Variants in SPIRE1 observed in about 807,000 individuals in gnomAD.
SPIRE1 encodes spire type actin nucleation factor 1.
SPIRE1 carries 40 observed loss-of-function variants against 94.1 expected under a neutral mutation model. That is an observed-to-expected ratio of 0.43 (90% CI 0.33 to 0.55). SPIRE1 has a LOEUF of 0.55. SPIRE1 is among the 20% of genes least tolerant of loss of function. The pLI is 0.06. For missense variants in SPIRE1, 838 were observed against 975.2 expected, an observed-to-expected ratio of 0.86 and a Z score of 1.87; for synonymous variants, 376 against 371.7, an observed-to-expected ratio of 1.01 and a Z score of -0.13.
At chr18:12,591,968 C>CAAAAAAAAAAAAAAAAAAAAAAAAAAAAA (rs35668057) in intron 2 of SPIRE1, among the ~76,000 whole-genome samples, 1 of 67,434 alleles carries the variant, frequency 1.5e-5, no homozygotes, top group African/African-American at 5.7e-5. Flanking sequence ...GACTCCATCT[C>CAAAAAAAAAAAAAAAAAAAAAAAAAAAAA]AAAAAAAAAA....
intron 2 of SPIRE1, among the ~76,000 whole-genome samples, chr18:12,561,679 G>T (rs1016321644): frequency 6.6e-6 from 1 of 152,120 alleles, no homozygotes; most frequent in Non-Finnish European, 1.5e-5. Context: ...GTGTTTGTAA[G>T]TTCATAATTT....
chr18:12,537,576 T>C (rs959178695), intron 3 of SPIRE1, among the ~76,000 whole-genome samples: 2 of 152,194 alleles, frequency 1.3e-5, no homozygotes, highest in Non-Finnish European at 2.9e-5. Context: ...TAGCTAGGTC[T>C]AAAAAATGTT....
At chr18:12,512,603 C>A in intron 4 of SPIRE1, 72 bp from the exon 5 acceptor site, 1 of 936,524 alleles carries the variant, frequency 1.1e-6, no homozygotes, top group Non-Finnish European at 1.7e-6. Context: ...CCTAACATAT[C>A]TTCAGATAAG....
chr18:12,546,639 G>A, intron 3 of SPIRE1, 35 bp downstream of exon 3: 2 of 1,487,058 alleles, frequency 1.3e-6, no homozygotes, highest in Non-Finnish European at 1.9e-6. Flanking sequence ...AACAACTCTT[G>A]AAAAAAACAA....
intron 2 of SPIRE1, among the ~76,000 whole-genome samples, chr18:12,599,973 A>T (rs2036785187): frequency 6.6e-6 from 1 of 152,060 alleles, no homozygotes; most frequent in Non-Finnish European, 1.5e-5. Flanking sequence ...GACAGCTTCC[A>T]TCTTGCTGGA....
intron 2 of SPIRE1, among the ~76,000 whole-genome samples, chr18:12,619,356 A>T (rs926402286): frequency 2.6e-5 from 4 of 151,720 alleles, no homozygotes; most frequent in Admixed American, 1.3e-4. Flanking sequence ...AAAATACAAA[A>T]AATTAGCCAG....
intron 4 of SPIRE1, among the ~76,000 whole-genome samples, chr18:12,530,927 G>A (rs1335095115): frequency 2.6e-5 from 4 of 152,070 alleles, no homozygotes; most frequent in Non-Finnish European, 2.9e-5. Flanking sequence ...CACTCTCAAC[G>A]TGGAGGCAAT....
chr18:12,620,273 T>C (rs2037430598), intron 2 of SPIRE1, among the ~76,000 whole-genome samples: 1 of 152,212 alleles, frequency 6.6e-6, no homozygotes, highest in Non-Finnish European at 1.5e-5. Flanking sequence ...ATTTATAGAT[T>C]AAAGGCAATC....
At chr18:12,488,957 G>A (rs866460567) in intron 8 of SPIRE1, among the ~76,000 whole-genome samples, 5 of 152,096 alleles carry the variant, frequency 3.3e-5, no homozygotes, top group South Asian at 2.1e-4. Flanking sequence ...AGGCCGAGAC[G>A]GGTGGATCAT....
At chr18:12,622,421 C>CTTTTTTTTTTT in intron 2 of SPIRE1, among the ~76,000 whole-genome samples, 1 of 114,810 alleles carries the variant, frequency 8.7e-6, no homozygotes. Flanking sequence ...TATGTCCAGT[C>CTTTTTTTTTTT]TTTTTTTTTT....
At chr18:12,450,034 TA>T (rs35847007) in intron 16 of SPIRE1, 138 bp from the exon 17 acceptor site, 382,038 of 899,248 alleles carry the variant, frequency 0.42, 86,280 homozygotes, top group East Asian at 0.63. Context: ...TATGTCCTTC[TA>T]AAAAAATTTC....
Position 12,447,100 on chromosome 18 carries a change from A to G in SPIRE1, c.*2538T>C, listed in dbSNP as rs969874408. On this transcript the variant is annotated 3_prime_UTR_variant, in exon 17 of 17. Transcript: ENST00000409402. The stretch of plus-strand genomic sequence containing the variant: ...CAGGGAGTTAAGCCATGGAGAGGGA[A>G]GCACAGGTTTCCCAATAGTGTGACT... 4 of 152,206 alleles carry G rather than the reference A, an allele frequency of 2.6e-5. No individual in the cohort carries two copies. Among genetic ancestry groups the G allele is most frequent in the Admixed American group, 1.3e-4 (2 of 15,280 alleles). The allele number at this position is 152,206 out of a possible 1,614,324, so 9.4% of individuals were successfully genotyped here. A position where few individuals can be genotyped will look rare whatever the true frequency, so the allele number is the denominator to read the frequency against.
intron 2 of SPIRE1, among the ~76,000 whole-genome samples, chr18:12,624,403 C>T (rs2037562055): frequency 1.3e-5 from 2 of 151,218 alleles, no homozygotes; most frequent in Admixed American, 6.6e-5. Context: ...ATTAGCCAGG[C>T]GTGGTGGCGT....
At chr18:12,488,033 T>C (rs73403739) in intron 8 of SPIRE1, among the ~76,000 whole-genome samples, 1,695 of 152,272 alleles carry the variant, frequency 0.011, 36 homozygotes, top group African/African-American at 0.039. Context: ...ACTTCAGATA[T>C]CCATTGGCCA....
chr18:12,470,620 T>C (rs1197276428), intron 10 of SPIRE1, among the ~76,000 whole-genome samples: 1 of 152,142 alleles, frequency 6.6e-6, no homozygotes, highest in Non-Finnish European at 1.5e-5. Context: ...GGTGTGTGAG[T>C]ACACACGTGT....
At chr18:12,548,891 A>G (rs1037477792) in intron 2 of SPIRE1, among the ~76,000 whole-genome samples, 4 of 152,222 alleles carry the variant, frequency 2.6e-5, no homozygotes, top group Non-Finnish European at 5.9e-5. Context: ...CTAGGATTAC[A>G]GGAATGAGCC....
At chr18:12,603,203 A>G (rs2036885035) in intron 2 of SPIRE1, among the ~76,000 whole-genome samples, 1 of 152,224 alleles carries the variant, frequency 6.6e-6, no homozygotes, top group South Asian at 2.1e-4. Flanking sequence ...TTTATTGAAT[A>G]CAATATGGTT....
intron 4 of SPIRE1, among the ~76,000 whole-genome samples, chr18:12,532,821 TG>T (rs1390163438): frequency 6.6e-6 from 1 of 152,228 alleles, no homozygotes; most frequent in African/African-American, 2.4e-5. Flanking sequence ...AGGCAATTTA[TG>T]TGCTTTCTTT....
At chr18:12,622,090 T>C (rs2037486752) in intron 2 of SPIRE1, among the ~76,000 whole-genome samples, 1 of 152,294 alleles carries the variant, frequency 6.6e-6, no homozygotes, top group Admixed American at 6.5e-5. Context: ...CCCAGATCTA[T>C]CATACTGACT....
Sources: gnomAD v4.1 joint callset for allele counts (sites outside exome capture counted in the v4.1 genomes callset) on GRCh38, gnomAD v4.1.1 for gene constraint, MANE v1.5 for transcripts, NCBI Gene and HGNC (gene_info 2026-07-23, HGNC 2026-07-21) for gene names.